The following BMP5 variants were observed in gnomAD, a reference collection of about 807,000 sequenced individuals.
The protein encoded by BMP5 is bone morphogenetic protein 5.
A neutral mutation model predicts 46.6 loss-of-function variants in BMP5; 23 were observed. That is an observed-to-expected ratio of 0.49 (90% CI 0.35 to 0.70). BMP5 has a LOEUF of 0.70. Ranked by LOEUF, BMP5 falls within the 30% of genes least tolerant of loss-of-function variation. The pLI is 0.00. For missense variants in BMP5, 545 were observed against 565.6 expected (o/e 0.96, Z 0.37); for synonymous variants, 204 against 191.9 (o/e 1.06, Z -0.52).
intron 1 of BMP5, among the ~76,000 whole-genome samples, chr6:55,832,957 A>T (rs1209996566): frequency 2.0e-5 from 3 of 150,852 alleles, no homozygotes; most frequent in Non-Finnish European, 4.4e-5. Flanking sequence ...CAAAAATTTA[A>T]AAAAAAAAAT....
chr6:55,776,366 C>T (rs1273631949), intron 3 of BMP5, among the ~76,000 whole-genome samples: 1 of 151,186 alleles, frequency 6.6e-6, no homozygotes, highest in Non-Finnish European at 1.5e-5. Flanking sequence ...CACTTCAATA[C>T]ATAAACACTT....
intron 1 of BMP5, among the ~76,000 whole-genome samples, chr6:55,837,761 T>C (rs1776852768): frequency 2.0e-5 from 3 of 152,168 alleles, no homozygotes; most frequent in African/African-American, 2.4e-5. Flanking sequence ...ATTCTTTCTA[T>C]TTTTTTGTAC....
At chr6:55,839,290 T>G (rs73448111) in intron 1 of BMP5, among the ~76,000 whole-genome samples, 1,619 of 152,090 alleles carry the variant, frequency 0.011, 33 homozygotes, top group African/African-American at 0.037. Flanking sequence ...TTACTTTTAT[T>G]TGTAAGGTTT....
intron 1 of BMP5, among the ~76,000 whole-genome samples, chr6:55,870,189 C>A (rs1332071229): frequency 6.7e-6 from 1 of 148,726 alleles, no homozygotes. Context: ...TTGTGAGTAA[C>A]CACTACAATT....
intron 4 of BMP5, among the ~76,000 whole-genome samples, chr6:55,765,435 G>A (rs911038219): frequency 1.3e-5 from 2 of 151,980 alleles, no homozygotes; most frequent in African/African-American, 4.8e-5. Flanking sequence ...AAGAGAAAGA[G>A]GGAAAAAGGA....
chr6:55,770,857 G>A (rs980773121), intron 4 of BMP5, among the ~76,000 whole-genome samples: 4 of 152,032 alleles, frequency 2.6e-5, no homozygotes, highest in Middle Eastern at 3.4e-3. Flanking sequence ...CCGATCGTTG[G>A]AGCAATCAGA....
At chr6:55,831,221 G>A (rs1016070203) in intron 1 of BMP5, among the ~76,000 whole-genome samples, 2 of 152,060 alleles carry the variant, frequency 1.3e-5, no homozygotes, top group African/African-American at 4.8e-5. Flanking sequence ...CCACAAAATA[G>A]CAAAGAAACA....
chr6:55,766,288 C>T (rs1279410704), intron 4 of BMP5, among the ~76,000 whole-genome samples: 2 of 152,022 alleles, frequency 1.3e-5, no homozygotes, highest in African/African-American at 4.8e-5. Context: ...TCTTTTTCTC[C>T]TCTGCCTGTA....
At chr6:55,826,809 T>A (rs1270034865) in intron 1 of BMP5, among the ~76,000 whole-genome samples, 2 of 151,780 alleles carry the variant, frequency 1.3e-5, no homozygotes, top group Admixed American at 6.6e-5. Flanking sequence ...GCTTCCATTA[T>A]CTCCCTCATG....
chr6:55,861,383 C>G (rs1777523668), intron 1 of BMP5, among the ~76,000 whole-genome samples: 1 of 152,208 alleles, frequency 6.6e-6, no homozygotes, highest in Admixed American at 6.5e-5. Flanking sequence ...ATTCCAATCT[C>G]CAACCCTTCT....
chr6:55,861,835 CAGCAGCCTTCTCAAT>C (rs1777532701), intron 1 of BMP5, among the ~76,000 whole-genome samples: 1 of 152,194 alleles, frequency 6.6e-6, no homozygotes, highest in Non-Finnish European at 1.5e-5. Context: ...GAATTCAACA[CAGCAGCCTTCTCAAT>C]AGCATTGACA....
intron 1 of BMP5, among the ~76,000 whole-genome samples, chr6:55,845,510 T>A (rs1777077864): frequency 6.6e-6 from 1 of 152,032 alleles, no homozygotes; most frequent in Non-Finnish European, 1.5e-5. Context: ...AAGGTGAGTG[T>A]CTCCTACTAC....
chr6:55,762,184 C>G (rs1374639269), intron 4 of BMP5, among the ~76,000 whole-genome samples: 1 of 151,782 alleles, frequency 6.6e-6, no homozygotes, highest in Non-Finnish European at 1.5e-5. Context: ...ACATTTTGTA[C>G]AAATAACATT....
In BMP5 at chr6:55,791,451, A is replaced by C. The variant is rs536627235; in HGVS notation, c.832+2828T>G. 1.9e-3 allele frequency among the ~76,000 whole-genome samples: 290 copies of C among 152,332 alleles called. 1 individual carries two copies. Among genetic ancestry groups the C allele is most frequent in the African/African-American group, 6.8e-3 (283 of 41,572 alleles). Reference sequence around the variant, plus strand: ...AAGGAAAAGCAACAAAAGGCTGTATATTTCAAACCAAACTCTCAAATATGG... The same window carrying C: ...AAGGAAAAGCAACAAAAGGCTGTATCTTTCAAACCAAACTCTCAAATATGG... On this transcript the variant is annotated intron_variant, in intron 3 of 6. Transcript: ENST00000370830.
At chr6:55,771,431 C>T (rs775426652) in intron 4 of BMP5, among the ~76,000 whole-genome samples, 2 of 149,066 alleles carry the variant, frequency 1.3e-5, no homozygotes, top group African/African-American at 2.5e-5. Flanking sequence ...GAGGAACAAG[C>T]AGTGCCGGGC....
At chr6:55,764,105 C>A (rs1195428638) in intron 4 of BMP5, among the ~76,000 whole-genome samples, 1 of 152,132 alleles carries the variant, frequency 6.6e-6, no homozygotes, top group Non-Finnish European at 1.5e-5. Context: ...AGCAATCTCA[C>A]CACTGGGTAT....
chr6:55,819,869 A>T (rs1377163576), intron 1 of BMP5, 22 bp from the exon 2 acceptor site: 1 of 1,597,840 alleles, frequency 6.3e-7, no homozygotes, highest in South Asian at 1.1e-5. Context: ...AAGGGGGTTG[A>T]GGGGGAAAAA....
intron 4 of BMP5, among the ~76,000 whole-genome samples, chr6:55,763,727 T>A (rs939371551): frequency 5.3e-5 from 8 of 152,158 alleles, no homozygotes; most frequent in African/African-American, 1.4e-4. Context: ...AACCAACATG[T>A]CTTATCCATA....
intron 1 of BMP5, among the ~76,000 whole-genome samples, chr6:55,850,760 T>C (rs1298104867): frequency 6.6e-6 from 1 of 152,290 alleles, no homozygotes; most frequent in East Asian, 1.9e-4. Context: ...TAAATGTGTA[T>C]CTGCAGGCTG....
Sources: gnomAD v4.1 joint callset for allele counts (sites outside exome capture counted in the v4.1 genomes callset) on GRCh38, gnomAD v4.1.1 for gene constraint, MANE v1.5 for transcripts, NCBI Gene and HGNC (gene_info 2026-07-23, HGNC 2026-07-21) for gene names.